RNASET2: variants seen among roughly 807,000 people sequenced by gnomAD.
RNASET2 encodes ribonuclease T2.
RNASET2 carries 28 observed loss-of-function variants against 33.9 expected under a neutral mutation model. The observed-to-expected ratio is 0.83, with a 90% CI of 0.61 to 1.13. The LOEUF (loss-of-function observed/expected upper bound fraction) is 1.13. Ranked by LOEUF, RNASET2 falls within the 50% of genes most tolerant of loss-of-function variation. The probability of loss-of-function intolerance (pLI) is 0.00; values close to 1 mark genes in which losing one functional copy is unlikely to be tolerated. For synonymous variants in RNASET2, 123 were observed against 121.0 expected, an observed-to-expected ratio of 1.02 and a Z score of -0.11; for missense variants, 330 against 319.9, an observed-to-expected ratio of 1.03 and a Z score of -0.24.
At chr6:166,955,207 ACG>A (rs879302213) in intron 1 of RNASET2, among the ~76,000 whole-genome samples, 13,286 of 111,364 alleles carry the variant, frequency 0.12, 763 homozygotes, top group African/African-American at 0.13. Flanking sequence ...GCACGCACAC[ACG>A]CACGCACACA....
At chr6:166,945,843 A>AAAAAGGAAAG in intron 4 of RNASET2, among the ~76,000 whole-genome samples, 1 of 146,260 alleles carries the variant, frequency 6.8e-6, no homozygotes, top group East Asian at 2.0e-4. Flanking sequence ...AAAAAAAAAA[A>AAAAAGGAAAG]AAAAGAAAAG....
At chr6:166,943,298 C>G (rs898069988) in intron 4 of RNASET2, 3 of 470,482 alleles carry the variant, frequency 6.4e-6, no homozygotes, top group South Asian at 4.1e-5. Flanking sequence ...AAACTGCACA[C>G]GAAAATACAA....
At chr6:166,955,205 A>ACACGCACGCACACACGCGCACACACG (rs1562506473) in intron 1 of RNASET2, among the ~76,000 whole-genome samples, 1 of 111,136 alleles carries the variant, frequency 9.0e-6, no homozygotes, top group Non-Finnish European at 1.7e-5. Context: ...ACGCACGCAC[A>ACACGCACGCACACACGCGCACACACG]CACGCACGCA....
At chr6:166,942,887 T>C (rs1325861207) in intron 5 of RNASET2, 132 bp downstream of exon 5, 3 of 745,260 alleles carry the variant, frequency 4.0e-6, no homozygotes. Context: ...AAAAGGTTGT[T>C]CAAACTGCTC....
chr6:166,949,210 A>AG (rs1778922476), intron 2 of RNASET2, among the ~76,000 whole-genome samples: 2 of 149,258 alleles, frequency 1.3e-5, no homozygotes, highest in Non-Finnish European at 3.0e-5. Context: ...AAAAAAAAAA[A>AG]AAAAAAAAAA....
At chr6:166,930,306 A>C (rs1778388557) in intron 8 of RNASET2, among the ~76,000 whole-genome samples, 2 of 151,452 alleles carry the variant, frequency 1.3e-5, no homozygotes, top group African/African-American at 4.9e-5. Context: ...GCTCACACAG[A>C]CACACATGCA....
chr6:166,948,597 G>A lies in RNASET2; in HGVS notation c.176C>T (p.Pro59Leu), dbSNP rs561514741. 1.7e-5 allele frequency: 28 copies of A among 1,601,150 alleles called. No homozygotes were observed. The highest frequency in any genetic ancestry group is 1.8e-4 in the Middle Eastern group (1 of 5,426). The stretch of plus-strand genomic sequence containing the variant: ...TAGTCCATGTATTGTCCAGTAATCC[G>A]GAGGGTCTCTACAGTCGTTTTGAAT... ...EKIQNDCRDP[P>L]DYWTIHGLWP... Residue 59 changes from proline to leucine, a missense_variant, in exon 3 of 9, where the codon CCG becomes CTG. Pro to Leu is a moderately conservative substitution (Grantham distance 98). Transcript: ENST00000508775.
chr6:166,943,535 G>A, intron 4 of RNASET2: 1 of 329,296 alleles, frequency 3.0e-6, no homozygotes, highest in South Asian at 2.4e-5. Context: ...GGTTGCTTGG[G>A]GGTTCAAGGG....
intron 7 of RNASET2, chr6:166,931,360 T>C (rs571226862): frequency 1.8e-4 from 102 of 559,110 alleles, no homozygotes; most frequent in African/African-American, 1.4e-3. Flanking sequence ...TCTCTGCTCC[T>C]GTTTCTCTGG....
chr6:166,930,716 GCA>G (rs1239042765), intron 8 of RNASET2, among the ~76,000 whole-genome samples: 5 of 137,900 alleles, frequency 3.6e-5, no homozygotes, highest in African/African-American at 8.3e-5. Flanking sequence ...GCATGTACAT[GCA>G]CACACAGCAC....
At chr6:166,950,913 C>G (rs948182959) in intron 2 of RNASET2, among the ~76,000 whole-genome samples, 2 of 152,296 alleles carry the variant, frequency 1.3e-5, no homozygotes, top group Middle Eastern at 3.4e-3. Context: ...GGGTTTTTCT[C>G]CTCGTGTGGA....
chr6:166,951,537 C>T (rs1341775802), intron 2 of RNASET2, among the ~76,000 whole-genome samples: 1 of 152,174 alleles, frequency 6.6e-6, no homozygotes, highest in Non-Finnish European at 1.5e-5. Flanking sequence ...GGTGTTACCA[C>T]TAGACCAAAG....
At chr6:166,949,971 C>T (rs889736258) in intron 2 of RNASET2, among the ~76,000 whole-genome samples, 1 of 152,238 alleles carries the variant, frequency 6.6e-6, no homozygotes. Flanking sequence ...ACCATGGCTG[C>T]CCAGTAGGAA....
intron 4 of RNASET2, among the ~76,000 whole-genome samples, 200 bp downstream of exon 4, chr6:166,946,482 G>A (rs1778848114): frequency 6.6e-6 from 1 of 152,218 alleles, no homozygotes; most frequent in Admixed American, 6.5e-5. Flanking sequence ...GGCAGGGGAG[G>A]GGAGGAGAGG....
chr6:166,932,363 T>C (rs1000092991), intron 7 of RNASET2: 2 of 152,760 alleles, frequency 1.3e-5, no homozygotes, highest in Non-Finnish European at 2.9e-5. Context: ...CTCATGTCTA[T>C]GGCTCCCACC....
intron 5 of RNASET2, among the ~76,000 whole-genome samples, chr6:166,941,046 A>C (rs1318856297): frequency 6.6e-6 from 1 of 152,236 alleles, no homozygotes; most frequent in Non-Finnish European, 1.5e-5. Flanking sequence ...CTTGAGTGAT[A>C]GGCACAGGAC....
intron 2 of RNASET2, 99 bp from the exon 3 acceptor site, chr6:166,948,724 T>C (rs1162765641): frequency 2.5e-6 from 2 of 789,024 alleles, no homozygotes; most frequent in East Asian, 4.9e-5. Context: ...TTGCAACATA[T>C]GCCAACGAGA....
rs895695150 is a variant in RNASET2 at position 166,927,973 on chromosome 6, G to C, written c.*1615C>G. 6.6e-6 allele frequency among the ~76,000 whole-genome samples: 1 copy of C among 152,206 alleles called. No individual in the cohort carries two copies. The highest frequency in any genetic ancestry group is 1.5e-5 in the Non-Finnish European group (1 of 68,032). On this transcript the variant is annotated 3_prime_UTR_variant, in exon 9 of 9. Transcript: ENST00000508775. The stretch of plus-strand genomic sequence containing the variant: ...ACAGAAATGAGCTCAGAGAAGGGCC[G>C]AGGGACAATGACAAGGTGGGGACCC...
At chr6:166,938,616 C>G (rs3777722) in intron 6 of RNASET2, 1 of 687,944 alleles carries the variant, frequency 1.5e-6, no homozygotes, top group Non-Finnish European at 2.8e-6. Flanking sequence ...GGTTGGAGTC[C>G]TCGTTTTCCC....
Sources: gnomAD v4.1 joint callset for allele counts (sites outside exome capture counted in the v4.1 genomes callset) on GRCh38, gnomAD v4.1.1 for gene constraint, MANE v1.5 for transcripts, NCBI Gene and HGNC (gene_info 2026-07-23, HGNC 2026-07-21) for gene names.